Variants in SH3GL2 observed in about 807,000 individuals in gnomAD.
SH3GL2 encodes the protein endophilin-A1.
Under a neutral mutation model 46.0 loss-of-function variants are expected in SH3GL2, and 24 were observed. That is an observed-to-expected ratio of 0.52 (90% CI 0.38 to 0.73). SH3GL2 has a LOEUF of 0.73. SH3GL2 is among the 30% of genes least tolerant of loss of function. The pLI, the probability that SH3GL2 is intolerant of heterozygous loss-of-function variation, is 0.00. For synonymous variants in SH3GL2, 196 were observed against 147.1 expected, an observed-to-expected ratio of 1.33 and a Z score of -2.40; for missense variants, 413 against 424.2, an observed-to-expected ratio of 0.97 and a Z score of 0.23.
At chr9:17,704,287 G>A (rs1344687049) in intron 1 of SH3GL2, among the ~76,000 whole-genome samples, 4 of 151,866 alleles carry the variant, frequency 2.6e-5, no homozygotes, top group Non-Finnish European at 5.9e-5. Flanking sequence ...CAAAGAAATC[G>A]GAGATAACTC....
chr9:17,782,495 C>G (rs1267640884), intron 3 of SH3GL2, among the ~76,000 whole-genome samples: 2 of 152,072 alleles, frequency 1.3e-5, no homozygotes, highest in Non-Finnish European at 2.9e-5. Flanking sequence ...CTCTTCTGTA[C>G]TTTACGAAAT....
intron 1 of SH3GL2, among the ~76,000 whole-genome samples, chr9:17,740,541 C>A (rs1450734603): frequency 1.3e-5 from 2 of 149,482 alleles, no homozygotes; most frequent in Non-Finnish European, 3.0e-5. Context: ...AACTTTTGCA[C>A]AGAGTCAGAG....
intron 3 of SH3GL2, among the ~76,000 whole-genome samples, chr9:17,783,860 C>CT (rs1823881538): frequency 1.3e-5 from 2 of 152,068 alleles, no homozygotes. Context: ...GCACATACAA[C>CT]TTGGTAAAGC....
intron 3 of SH3GL2, among the ~76,000 whole-genome samples, chr9:17,777,321 A>G (rs948941104): frequency 6.6e-6 from 1 of 151,720 alleles, no homozygotes. Context: ...AATCCATGTG[A>G]AATGAAAATT....
At chr9:17,671,599 A>G (rs1225322858) in intron 1 of SH3GL2, among the ~76,000 whole-genome samples, 1 of 152,180 alleles carries the variant, frequency 6.6e-6, no homozygotes, top group African/African-American at 2.4e-5. Context: ...CATGTACCCC[A>G]TACATATACC....
intron 1 of SH3GL2, chr9:17,653,962 A>G: frequency 2.1e-6 from 1 of 475,146 alleles, no homozygotes; most frequent in Non-Finnish European, 2.8e-6. Flanking sequence ...CTTCTTTTAA[A>G]CTCTGGGAAG....
intron 2 of SH3GL2, among the ~76,000 whole-genome samples, chr9:17,751,470 T>TTGTTTGTGCGTGTGTG (rs1433444435): frequency 0.012 from 1,553 of 132,878 alleles, 22 homozygotes; most frequent in African/African-American, 0.045. Flanking sequence ...GTGTGTGTTT[T>TTGTTTGTGCGTGTGTG]TGTGTGTGCG....
chr9:17,690,037 C>A (rs1248021659), intron 1 of SH3GL2, among the ~76,000 whole-genome samples: 1 of 152,074 alleles, frequency 6.6e-6, no homozygotes, highest in East Asian at 1.9e-4. Flanking sequence ...CCTCTGAATG[C>A]TTAACCGCAC....
chr9:17,633,404 G>C lies in SH3GL2; in HGVS notation c.45+54117G>C, dbSNP rs192596089. 1.0e-3 allele frequency among the ~76,000 whole-genome samples: 155 copies of C among 152,296 alleles called. 1 individual carries two copies. Among genetic ancestry groups the C allele is most frequent in the African/African-American group, 3.6e-3 (148 of 41,556 alleles). ...AAAAGTCATCCATGTAAAAGCATGG[G>C]TAACTGCTTAACATGTATTAAATGA... On this transcript the variant is annotated intron_variant, in intron 1 of 8. Coordinates refer to ENST00000380607, the MANE Select transcript of SH3GL2 (RefSeq NM_003026.5).
chr9:17,774,205 T>C (rs1415310515), intron 3 of SH3GL2, among the ~76,000 whole-genome samples: 2 of 152,170 alleles, frequency 1.3e-5, no homozygotes, highest in Non-Finnish European at 2.9e-5. Flanking sequence ...GTGGGAAATC[T>C]TTAGAGATTT....
chr9:17,744,673 G>A (rs940785410), intron 1 of SH3GL2, among the ~76,000 whole-genome samples: 1 of 152,078 alleles, frequency 6.6e-6, no homozygotes, highest in Admixed American at 6.6e-5. Flanking sequence ...TGGCCTAGTA[G>A]GTTCTTAACT....
chr9:17,705,560 C>G (rs1342659696), intron 1 of SH3GL2, among the ~76,000 whole-genome samples: 1 of 151,986 alleles, frequency 6.6e-6, no homozygotes, highest in Non-Finnish European at 1.5e-5. Flanking sequence ...GACGTAGATT[C>G]AACCTAAGTC....
intron 1 of SH3GL2, among the ~76,000 whole-genome samples, chr9:17,661,308 A>G (rs1027138004): frequency 6.6e-6 from 1 of 152,166 alleles, no homozygotes; most frequent in Non-Finnish European, 1.5e-5. Flanking sequence ...TATAGGAGCT[A>G]TTGTGAAGCT....
intron 3 of SH3GL2, among the ~76,000 whole-genome samples, chr9:17,770,777 C>T (rs532165724): frequency 6.6e-6 from 1 of 152,246 alleles, no homozygotes; most frequent in East Asian, 1.9e-4. Context: ...GTCTCTAGAA[C>T]CTAAGGGTGG....
At chr9:17,724,297 T>G (rs1238907460) in intron 1 of SH3GL2, among the ~76,000 whole-genome samples, 1 of 152,192 alleles carries the variant, frequency 6.6e-6, no homozygotes, top group East Asian at 1.9e-4. Context: ...ATGCAAATTT[T>G]TATACTCTTC....
chr9:17,674,982 C>G (rs1563807064), intron 1 of SH3GL2, among the ~76,000 whole-genome samples: 1 of 152,132 alleles, frequency 6.6e-6, no homozygotes, highest in Non-Finnish European at 1.5e-5. Flanking sequence ...GAGGAGCCAC[C>G]AGGTTACATT....
At chr9:17,643,443 T>C (rs1192208788) in intron 1 of SH3GL2, among the ~76,000 whole-genome samples, 3 of 151,568 alleles carry the variant, frequency 2.0e-5, no homozygotes, top group Non-Finnish European at 4.4e-5. Context: ...TGGTGAGATG[T>C]TGAATAGGAG....
At chr9:17,730,064 T>C (rs537525115) in intron 1 of SH3GL2, among the ~76,000 whole-genome samples, 57 of 152,186 alleles carry the variant, frequency 3.7e-4, no homozygotes, top group Non-Finnish European at 1.5e-5. Context: ...TATGGCCGTT[T>C]TCATGATACT....
intron 1 of SH3GL2, among the ~76,000 whole-genome samples, chr9:17,724,343 T>C (rs1821969798): frequency 6.6e-6 from 1 of 152,148 alleles, no homozygotes; most frequent in African/African-American, 2.4e-5. Flanking sequence ...AAATAATTTG[T>C]GTTTGTATTT....
Sources: allele counts gnomAD v4.1 joint callset (sites outside exome capture counted in the v4.1 genomes callset), GRCh38; gene constraint gnomAD v4.1.1; transcripts MANE v1.5; gene names NCBI Gene and HGNC (gene_info 2026-07-23, HGNC 2026-07-21).